The following KDM5A variants were observed in gnomAD, a reference collection of about 807,000 sequenced individuals.
KDM5A encodes lysine-specific demethylase 5A.
KDM5A carries 42 observed loss-of-function variants against 193.5 expected under a neutral mutation model. The observed-to-expected ratio is 0.22, with a 90% CI of 0.17 to 0.28. KDM5A has a LOEUF of 0.28. KDM5A is among the 10% of genes least tolerant of loss of function. The pLI, the probability that KDM5A is intolerant of heterozygous loss-of-function variation, is 1.00. For synonymous variants in KDM5A, 796 were observed against 718.1 expected (o/e 1.11, Z -1.73); for missense variants, 1,692 against 2,055.1 (o/e 0.82, Z 3.42).
intron 8 of KDM5A, 33 bp from the exon 9 acceptor site, chr12:352,357 T>G: frequency 6.3e-7 from 1 of 1,599,912 alleles, no homozygotes; most frequent in Non-Finnish European, 8.6e-7. Flanking sequence ...ATTAACTTAC[T>G]GAAACTAAAC....
intron 27 of KDM5A, among the ~76,000 whole-genome samples, chr12:290,015 G>A (rs1307529727): frequency 6.7e-6 from 1 of 149,744 alleles, no homozygotes; most frequent in African/African-American, 2.5e-5. Context: ...TCACAGGTGC[G>A]ATCATAGCAC....
chr12:316,608 G>A (rs1314102757), intron 19 of KDM5A, among the ~76,000 whole-genome samples: 1 of 152,156 alleles, frequency 6.6e-6, no homozygotes, highest in African/African-American at 2.4e-5. Flanking sequence ...ACTACCAGGT[G>A]CGCCACGTTT....
intron 19 of KDM5A, 92 bp downstream of exon 19, chr12:318,014 T>C: frequency 3.2e-6 from 3 of 951,614 alleles, no homozygotes; most frequent in Admixed American, 2.1e-5. Flanking sequence ...AAAAAAAAAG[T>C]CATTTAATGA....
In KDM5A at chr12:355,237, CGGGTG is replaced by C; in HGVS notation, c.786_790del (p.Thr263LysfsTer12). The C allele has an allele frequency of 6.2e-7, 1 of 1,605,572 alleles. No individual in the cohort carries two copies. The highest frequency in any genetic ancestry group is 8.5e-7 in the Non-Finnish European group (1 of 1,172,264). ...TGACCTGTTGGTAACTTTTCGTCTT[CGGGTG>C]ACCTCATCTTGAAATAAAAAGTTAC... is the stretch of plus-strand genomic sequence containing the variant. On this transcript the variant is annotated frameshift_variant, in exon 7 of 28. Coordinates refer to ENST00000399788, the MANE Select transcript of KDM5A (RefSeq NM_001042603.3). LOFTEE classifies it high-confidence loss of function.
intron 27 of KDM5A, among the ~76,000 whole-genome samples, chr12:292,416 T>C (rs1366111967): frequency 1.3e-5 from 2 of 152,162 alleles, no homozygotes; most frequent in African/African-American, 4.8e-5. Context: ...GACAAGGTAT[T>C]TAGTTCTCTG....
chr12:321,114 TG>T lies in KDM5A; in HGVS notation c.2427-6del, dbSNP rs1415975595. The stretch of plus-strand genomic sequence containing the variant: ...CTCCCACTATCTGGGCTCTGTCTGA[TG>T]TGAAATAATATTGAGATATAAGTAA... On this transcript the variant is annotated splice_region_variant and splice_polypyrimidine_tract_variant and intron_variant, in intron 17 of 27. Transcript: ENST00000399788. The T allele has an allele frequency of 1.1e-5, 18 of 1,590,386 alleles. No homozygotes were observed. The highest frequency in any genetic ancestry group is 1.6e-5 in the Non-Finnish European group (18 of 1,158,448).
chr12:318,740 G>C (rs1047521661), intron 18 of KDM5A, among the ~76,000 whole-genome samples: 1 of 152,192 alleles, frequency 6.6e-6, no homozygotes, highest in East Asian at 1.9e-4. Flanking sequence ...CAGTATTAAA[G>C]AAGACATAAA....
intron 4 of KDM5A, among the ~76,000 whole-genome samples, chr12:365,648 A>G (rs902999599): frequency 6.6e-6 from 1 of 152,242 alleles, no homozygotes; most frequent in African/African-American, 2.4e-5. Context: ...TATGGTATAT[A>G]AATCATAACT....
Position 307,166 on chromosome 12 carries a change from C to A in KDM5A, c.3931-77G>T, listed in dbSNP as rs2137387172. On this transcript the variant is annotated intron_variant, in intron 23 of 27. Coordinates refer to ENST00000399788, the MANE Select transcript of KDM5A (RefSeq NM_001042603.3). The surrounding 1 kb of genome is among the most constrained non-coding windows in gnomAD (Gnocchi z 4.3). ...GGTAATTAATGTGTGCTTAAGATCA[C>A]CAAAATGTAATGAATAAGCAAAGTG... 1 of 1,549,194 alleles carries A rather than the reference C, an allele frequency of 6.5e-7. No individual in the cohort carries two copies. The highest frequency in any genetic ancestry group is 1.4e-5 in the African/African-American group (1 of 73,376).
chr12:382,967 A>G (rs994865192), intron 3 of KDM5A, among the ~76,000 whole-genome samples: 2 of 152,084 alleles, frequency 1.3e-5, no homozygotes, highest in South Asian at 2.1e-4. Context: ...CAAGGTTATT[A>G]TAATCTCAGC....
chr12:330,252 T>C (rs1943849797), intron 13 of KDM5A, among the ~76,000 whole-genome samples: 1 of 152,124 alleles, frequency 6.6e-6, no homozygotes, highest in African/African-American at 2.4e-5. Flanking sequence ...TATTATAATA[T>C]GTGAGGAAGC....
At position 388,969 on chromosome 12, in the gene KDM5A, A is replaced by C. The variant is rs1352629130; in HGVS notation, c.123T>G (p.Pro41=). The change falls in exon 1 of 28, where the codon CCT becomes CCG. Residue 41 remains proline (P), a synonymous_variant. Transcript: ENST00000399788. Reference sequence around the variant, plus strand: ...TGCAGATGCCGGTTTTCTCCGCCAAAGGCCGGATGCGGCCGATAAAGCTGA... The same window carrying C: ...TGCAGATGCCGGTTTTCTCCGCCAACGGCCGGATGCGGCCGATAAAGCTGA... ...DPLSFIGRIR[P]LAEKTGICKI... is the part of the protein sequence containing the mutation. 6.2e-7 allele frequency: 1 copy of C among 1,614,178 alleles called. No homozygotes were observed. Among genetic ancestry groups the C allele is most frequent in the East Asian group, 2.2e-5 (1 of 44,870 alleles).
intron 24 of KDM5A, among the ~76,000 whole-genome samples, chr12:305,370 T>C (rs1032989655): frequency 1.3e-5 from 2 of 152,214 alleles, no homozygotes; most frequent in African/African-American, 4.8e-5. Context: ...CATTTCTATC[T>C]TGAGAAAAAA....
At chr12:380,040 G>A (rs976194277) in intron 3 of KDM5A, among the ~76,000 whole-genome samples, 5 of 152,080 alleles carry the variant, frequency 3.3e-5, no homozygotes, top group African/African-American at 9.7e-5. Context: ...AGGCCAAGAT[G>A]GGAGATCACT....
intron 18 of KDM5A, among the ~76,000 whole-genome samples, chr12:319,769 G>T (rs774917722): frequency 4.6e-5 from 7 of 151,692 alleles, no homozygotes; most frequent in Non-Finnish European, 8.8e-5. Flanking sequence ...GAAAAGAAAA[G>T]AAAAGAAAAA....
rs149194979 is a variant in KDM5A, at chr12:359,997, C to T, written c.672+2966G>A. On this transcript the variant is annotated intron_variant, in intron 5 of 27. Transcript: ENST00000399788. ...TGAAAAGAAAAGGATAGATTTGGGC[C>T]GGGTGTGATGGCTCACACCTATAAT... Among the ~76,000 whole-genome samples the T allele has an allele frequency of 1.8e-4, 27 of 151,594 alleles. 1 individual carries two copies. The highest frequency in any genetic ancestry group is 4.6e-4 in the African/African-American group (19 of 41,320).
intron 7 of KDM5A, 72 bp from the exon 8 acceptor site, chr12:354,306 C>G (rs2137454898): frequency 9.7e-7 from 1 of 1,026,848 alleles, no homozygotes; most frequent in Non-Finnish European, 1.4e-6. Context: ...AACTCCTTAG[C>G]TGAAATAAAC....
intron 10 of KDM5A, among the ~76,000 whole-genome samples, chr12:345,452 C>A (rs535862462): frequency 6.6e-6 from 1 of 152,152 alleles, no homozygotes; most frequent in Non-Finnish European, 1.5e-5. Flanking sequence ...CACCCCAAAG[C>A]AACAGAATAT....
At chr12:292,458 C>G (rs1258934690) in intron 27 of KDM5A, among the ~76,000 whole-genome samples, 1 of 152,150 alleles carries the variant, frequency 6.6e-6, no homozygotes, top group East Asian at 1.9e-4. Context: ...CAAGATTATT[C>G]TGAAACTTGT....
Sources: gnomAD v4.1 joint callset for allele counts (sites outside exome capture counted in the v4.1 genomes callset) on GRCh38, gnomAD v4.1.1 for gene constraint, Gnocchi (gnomAD v3.1) non-coding constraint, MANE v1.5 for transcripts, NCBI Gene and HGNC (gene_info 2026-07-23, HGNC 2026-07-21) for gene names.